C10orf90: variants seen among roughly 807,000 people sequenced by gnomAD.
The protein encoded by C10orf90 is (E2-independent) E3 ubiquitin-conjugating enzyme FATS.
In C10orf90, 56 loss-of-function variants were observed where a neutral mutation model predicts 62.5. That is an observed-to-expected ratio of 0.90 (90% confidence interval 0.72 to 1.12). The LOEUF (loss-of-function observed/expected upper bound fraction) is 1.12. Ranked by LOEUF, C10orf90 falls within the 50% of genes most tolerant of loss-of-function variation. The probability of loss-of-function intolerance (pLI) is 0.00; values close to 1 mark genes in which losing one functional copy is unlikely to be tolerated. For synonymous variants in C10orf90, 386 were observed against 340.4 expected (o/e 1.13, Z -1.47); for missense variants, 970 against 880.4 (o/e 1.10, Z -1.29).
chr10:126,452,618 TTTAATTGGAAGTACAA>T (rs1859277627), intron 7 of C10orf90, among the ~76,000 whole-genome samples: 1 of 152,218 alleles, frequency 6.6e-6, no homozygotes, highest in Non-Finnish European at 1.5e-5. Context: ...CTTACATTAT[TTTAATTGGAAGTACAA>T]TTGTCCTTTA....
At chr10:126,534,873 C>T (rs1376303215) in intron 2 of C10orf90, among the ~76,000 whole-genome samples, 3 of 152,140 alleles carry the variant, frequency 2.0e-5, no homozygotes, top group African/African-American at 4.8e-5. Context: ...ATTTGTTTCC[C>T]GTGATGGCCT....
chr10:126,529,302 C>T (rs975260380), intron 2 of C10orf90, among the ~76,000 whole-genome samples: 5 of 152,002 alleles, frequency 3.3e-5, no homozygotes, highest in Non-Finnish European at 4.4e-5. Flanking sequence ...TTTCATGATC[C>T]TGAATAGGAA....
intron 4 of C10orf90, among the ~76,000 whole-genome samples, chr10:126,491,018 T>C (rs927998276): frequency 1.3e-5 from 2 of 152,190 alleles, no homozygotes; most frequent in African/African-American, 4.8e-5. Context: ...TCTCCGTAAG[T>C]AAGCAGAAAA....
chr10:126,631,608 C>T (rs1169196946), intron 2 of C10orf90, among the ~76,000 whole-genome samples: 1 of 151,976 alleles, frequency 6.6e-6, no homozygotes, highest in African/African-American at 2.4e-5. Context: ...ATGCTCAGTG[C>T]CCGGCACAGT....
chr10:126,496,444 A>G (rs961368115), intron 4 of C10orf90, among the ~76,000 whole-genome samples: 8 of 152,244 alleles, frequency 5.3e-5, no homozygotes, highest in African/African-American at 1.7e-4. Context: ...AGAAACCTTC[A>G]AAATATTTTT....
chr10:126,611,893 C>T (rs1845442330), intron 2 of C10orf90, among the ~76,000 whole-genome samples: 1 of 152,228 alleles, frequency 6.6e-6, no homozygotes, highest in Non-Finnish European at 1.5e-5. Context: ...ACAAATCCCA[C>T]ATGCTCTAGA....
rs528836032 is a variant in C10orf90 at position 126,667,971 on chromosome 10, A to G, written c.240+2270T>C. Among the ~76,000 whole-genome samples the G allele has an allele frequency of 3.3e-4, 50 of 152,268 alleles. 1 individual carries two copies. The highest frequency in any genetic ancestry group is 1.2e-3 in the African/African-American group (50 of 41,540). ...CAATCCTGGTAACTTTCAGTGCAGC[A>G]GGCTCTGCTCCTTGTTCCTATCAGA... On this transcript the variant is annotated intron_variant, in intron 1 of 9. Coordinates refer to ENST00000488181, the MANE Select transcript of C10orf90 (RefSeq NM_001350921.2).
intron 2 of C10orf90, among the ~76,000 whole-genome samples, chr10:126,566,724 G>C (rs911387399): frequency 6.6e-6 from 1 of 152,178 alleles, no homozygotes; most frequent in Non-Finnish European, 1.5e-5. Flanking sequence ...AGGACCACAG[G>C]TGCTGACCTT....
chr10:126,600,200 G>A (rs1845171989), intron 2 of C10orf90, among the ~76,000 whole-genome samples: 1 of 152,242 alleles, frequency 6.6e-6, no homozygotes, highest in Admixed American at 6.5e-5. Flanking sequence ...CATCGCATGT[G>A]TGTGCAGGCA....
intron 6 of C10orf90, among the ~76,000 whole-genome samples, chr10:126,460,516 A>G (rs1253803294): frequency 6.6e-6 from 1 of 152,216 alleles, no homozygotes; most frequent in Non-Finnish European, 1.5e-5. Flanking sequence ...AGCTCCCCAC[A>G]TGGTGCCAGC....
intron 2 of C10orf90, among the ~76,000 whole-genome samples, chr10:126,525,611 G>A (rs575998765): frequency 9.2e-5 from 14 of 152,258 alleles, no homozygotes; most frequent in Non-Finnish European, 1.5e-4. Flanking sequence ...TTAGCCACAC[G>A]CTGCACATCG....
chr10:126,521,261 A>T lies in C10orf90; in HGVS notation c.314-7322T>A, dbSNP rs12268037. ...GAATGAACAGATTACTTTATATTTT[A>T]ATAAGGGTTATATCTGTGGAAAAAA... On this transcript the variant is annotated intron_variant, in intron 2 of 9. Transcript: ENST00000488181. 0.011 allele frequency: 18,343 copies of T among 1,605,216 alleles called. 1,502 individuals carry two copies. In the African/African-American group the frequency reaches 0.2, roughly 17 times the overall value.
At chr10:126,555,363 T>A (rs909884299) in intron 2 of C10orf90, among the ~76,000 whole-genome samples, 6 of 152,102 alleles carry the variant, frequency 3.9e-5, no homozygotes, top group Non-Finnish European at 7.4e-5. Context: ...AATTTATATG[T>A]CTCATCATAC....
At chr10:126,623,840 C>CA (rs34974050) in intron 2 of C10orf90, among the ~76,000 whole-genome samples, 2,031 of 19,448 alleles carry the variant, frequency 0.1, 49 homozygotes, top group African/African-American at 0.23. Flanking sequence ...GACTCCATCT[C>CA]AAAAAAAAAA....
At chr10:126,538,156 C>T (rs892549636) in intron 2 of C10orf90, among the ~76,000 whole-genome samples, 6 of 152,190 alleles carry the variant, frequency 3.9e-5, no homozygotes, top group South Asian at 2.1e-4. Flanking sequence ...GAGAAAGGCA[C>T]ATCCACATGG....
chr10:126,440,835 A>G (rs180794897), intron 7 of C10orf90, among the ~76,000 whole-genome samples: 2 of 152,294 alleles, frequency 1.3e-5, no homozygotes, highest in East Asian at 3.9e-4. Context: ...TTCATAGGAA[A>G]AGGGGGAGAG....
At chr10:126,631,146 T>C (rs548064027) in intron 2 of C10orf90, among the ~76,000 whole-genome samples, 1 of 152,318 alleles carries the variant, frequency 6.6e-6, no homozygotes, top group South Asian at 2.1e-4. Flanking sequence ...ACAACAGTCT[T>C]CTCACAAAGC....
intron 2 of C10orf90, among the ~76,000 whole-genome samples, chr10:126,627,149 G>A (rs144084961): frequency 5.9e-5 from 9 of 152,036 alleles, no homozygotes; most frequent in South Asian, 2.1e-4. Context: ...ACAGGCATGC[G>A]CCACCACGCC....
intron 8 of C10orf90, among the ~76,000 whole-genome samples, chr10:126,428,465 A>T (rs762399795): frequency 1.3e-5 from 2 of 152,180 alleles, no homozygotes; most frequent in Non-Finnish European, 2.9e-5. Flanking sequence ...GTCAGAGCCC[A>T]CCCAAAGTAC....
Sources: gnomAD v4.1 joint callset for allele counts (sites outside exome capture counted in the v4.1 genomes callset) on GRCh38, gnomAD v4.1.1 for gene constraint, MANE v1.5 for transcripts, NCBI Gene and HGNC (gene_info 2026-07-23, HGNC 2026-07-21) for gene names.